The following CRIM1 variants were observed in gnomAD, a reference collection of about 807,000 sequenced individuals.
CRIM1 encodes the protein cysteine rich transmembrane BMP regulator 1, also known as cysteine-rich motor neuron 1 protein.
Under a neutral mutation model 116.4 loss-of-function variants are expected in CRIM1, and 32 were observed. The ratio of observed to expected loss-of-function variants is 0.27; its 90% CI spans 0.21 to 0.37. The LOEUF is 0.37. Ranked by LOEUF, CRIM1 falls within the 10% of genes least tolerant of loss-of-function variation. The pLI is 1.00. For missense variants in CRIM1, 1,331 were observed against 1,354.8 expected, an observed-to-expected ratio of 0.98 and a Z score of 0.28; for synonymous variants, 590 against 509.2, an observed-to-expected ratio of 1.16 and a Z score of -2.13.
intron 1 of CRIM1, among the ~76,000 whole-genome samples, chr2:36,393,985 G>C (rs1671820538): frequency 6.6e-6 from 1 of 152,156 alleles, no homozygotes; most frequent in African/African-American, 2.4e-5. Context: ...ATGGATCTGG[G>C]GACATTGTGG....
chr2:36,378,627 T>C (rs1670498020), intron 1 of CRIM1: 1 of 257,426 alleles, frequency 3.9e-6, no homozygotes, highest in African/African-American at 2.2e-5. Flanking sequence ...TTGTGTTCTC[T>C]TGGTGGGGAC....
intron 4 of CRIM1, among the ~76,000 whole-genome samples, chr2:36,446,610 A>G (rs1001226121): frequency 2.0e-5 from 3 of 152,094 alleles, no homozygotes; most frequent in Non-Finnish European, 2.9e-5. Flanking sequence ...GTGTGATGTA[A>G]TTAATTTTTA....
intron 12 of CRIM1, among the ~76,000 whole-genome samples, chr2:36,520,842 G>A (rs1376383454): frequency 6.6e-6 from 1 of 152,158 alleles, no homozygotes; most frequent in Non-Finnish European, 1.5e-5. Flanking sequence ...TGGATCATAT[G>A]GCAACTACAT....
In CRIM1 at chr2:36,479,597, G is replaced by T; in HGVS notation, c.1275G>T (p.Gln425His). 2 of 1,614,234 alleles carry T rather than the reference G, an allele frequency of 1.2e-6. No homozygotes were observed. Among genetic ancestry groups the T allele is most frequent in the Non-Finnish European group, 1.7e-6 (2 of 1,180,040 alleles). ...GGGAAGACGACTGCACATTCTGCCAGTGCGTCAACGGTGAACGCCACTGCG... is the reference window on the plus strand; with the variant it reads ...GGGAAGACGACTGCACATTCTGCCATTGCGTCAACGGTGAACGCCACTGCG... The part of the protein sequence containing the change: ...RWREDDCTFC[Q>H]CVNGERHCVA... The change falls in exon 7 of 17, where the codon CAG becomes CAT. Residue 425 changes from glutamine to histidine, a missense_variant. By Grantham distance (24) the Gln-to-His change is conservative (BLOSUM62 0). Transcript: ENST00000280527.
At chr2:36,493,015 TGAAA>T (rs1269536819) in intron 7 of CRIM1, among the ~76,000 whole-genome samples, 2 of 152,218 alleles carry the variant, frequency 1.3e-5, no homozygotes, top group Non-Finnish European at 2.9e-5. Context: ...TATTAAAGCC[TGAAA>T]GAAGAGGTAA....
At chr2:36,418,654 C>G (rs941247212) in intron 2 of CRIM1, among the ~76,000 whole-genome samples, 19 of 152,262 alleles carry the variant, frequency 1.2e-4, no homozygotes, top group Non-Finnish European at 2.6e-4. Context: ...GGTATAAAGC[C>G]ACTAAACCAA....
intron 4 of CRIM1, among the ~76,000 whole-genome samples, chr2:36,446,708 A>G (rs1314637734): frequency 6.6e-6 from 1 of 152,238 alleles, no homozygotes; most frequent in Admixed American, 6.5e-5. Context: ...TTCTGTTGGC[A>G]TGAAGACATG....
chr2:36,512,220 A>G (rs558784545), intron 9 of CRIM1, 53 bp from the exon 10 acceptor site: 1 of 1,593,776 alleles, frequency 6.3e-7, no homozygotes, highest in African/African-American at 1.3e-5. Context: ...GTGCTTGGGC[A>G]TCATTTGAGA....
At chr2:36,377,284 G>A (rs1670398796) in intron 1 of CRIM1, among the ~76,000 whole-genome samples, 1 of 152,244 alleles carries the variant, frequency 6.6e-6, no homozygotes, top group Non-Finnish European at 1.5e-5. Flanking sequence ...CCACCTGTAT[G>A]ACTAGCACAC....
chr2:36,479,324 GCTT>G (rs1679224018), intron 6 of CRIM1, among the ~76,000 whole-genome samples, 170 bp from the exon 7 acceptor site: 1 of 152,160 alleles, frequency 6.6e-6, no homozygotes, highest in Non-Finnish European at 1.5e-5. Context: ...CAGTGTGACA[GCTT>G]CTTTTGCATG....
intron 7 of CRIM1, among the ~76,000 whole-genome samples, chr2:36,490,002 A>G (rs982448168): frequency 3.9e-5 from 6 of 152,242 alleles, no homozygotes; most frequent in African/African-American, 1.4e-4. Context: ...TTACCAGACC[A>G]TATGAAAAGA....
chr2:36,453,686 A>G (rs577507860), intron 4 of CRIM1, among the ~76,000 whole-genome samples: 2 of 152,354 alleles, frequency 1.3e-5, no homozygotes, highest in African/African-American at 2.4e-5. Flanking sequence ...CTAAGAGCAT[A>G]TATTATAAAG....
chr2:36,378,242 T>C (rs1670467959), intron 1 of CRIM1: 2 of 464,308 alleles, frequency 4.3e-6, no homozygotes, highest in Non-Finnish European at 9.0e-6. Flanking sequence ...TTTAAATCAA[T>C]GAGTAATTGA....
chr2:36,438,146 A>G (rs1016477741), intron 2 of CRIM1, among the ~76,000 whole-genome samples: 12 of 152,042 alleles, frequency 7.9e-5, no homozygotes, highest in Non-Finnish European at 7.4e-5. Flanking sequence ...AAAAAAACAA[A>G]AAAAAAGAGT....
chr2:36,373,954 A>C (rs1184035346), intron 1 of CRIM1, among the ~76,000 whole-genome samples: 2 of 152,124 alleles, frequency 1.3e-5, no homozygotes, highest in Non-Finnish European at 2.9e-5. Context: ...ATCATTCGTT[A>C]ATTTACATAG....
intron 4 of CRIM1, among the ~76,000 whole-genome samples, chr2:36,460,138 G>A (rs545780588): frequency 2.0e-4 from 31 of 152,198 alleles, no homozygotes; most frequent in African/African-American, 6.5e-4. Context: ...GTCCCACCTG[G>A]CTGCAGCTGT....
At chr2:36,465,660 C>G (rs1033654560) in intron 5 of CRIM1, among the ~76,000 whole-genome samples, 1 of 152,126 alleles carries the variant, frequency 6.6e-6, no homozygotes, top group Non-Finnish European at 1.5e-5. Flanking sequence ...TGAAGAAACA[C>G]TTGCAGTATG....
chr2:36,534,173 AAGG>A (rs1398693393), intron 13 of CRIM1, among the ~76,000 whole-genome samples: 5 of 122,612 alleles, frequency 4.1e-5, no homozygotes, highest in Admixed American at 8.3e-5. Flanking sequence ...GGAAGGAAGG[AAGG>A]AGGGAGTGGG....
chr2:36,436,825 A>G (rs1218616661), intron 2 of CRIM1, among the ~76,000 whole-genome samples: 1 of 152,240 alleles, frequency 6.6e-6, no homozygotes, highest in Non-Finnish European at 1.5e-5. Flanking sequence ...CTATAAATTA[A>G]AAAAGAAAGC....
Sources: allele counts gnomAD v4.1 joint callset (sites outside exome capture counted in the v4.1 genomes callset), GRCh38; gene constraint gnomAD v4.1.1; transcripts MANE v1.5; gene names NCBI Gene and HGNC (gene_info 2026-07-23, HGNC 2026-07-21).